The following EHBP1L1 variants were observed in gnomAD, a reference collection of about 807,000 sequenced individuals.
The protein encoded by EHBP1L1 is EH domain-binding protein 1-like protein 1.
EHBP1L1 carries 122 observed loss-of-function variants against 151.1 expected under a neutral mutation model. The observed-to-expected ratio is 0.81, with a 90% CI of 0.70 to 0.94. The LOEUF (loss-of-function observed/expected upper bound fraction) is 0.94, where lower values mean the gene tolerates loss of function less well. EHBP1L1 is among the 40% of genes least tolerant of loss of function. The pLI is 0.00. For synonymous variants in EHBP1L1, 878 were observed against 810.1 expected, an observed-to-expected ratio of 1.08 and a Z score of -1.42; for missense variants, 1,941 against 1,959.8, an observed-to-expected ratio of 0.99 and a Z score of 0.18.
rs764711728 is a variant in EHBP1L1 at position 65,585,402 on chromosome 11, C to A, written c.3744C>A (p.Gly1248=). ...GLVNGAGAPG[G]GGVRLRRPSV... ...TGAACGGGGCGGGGGCACCGGGCGG[C>A]GGCGGCGTGAGGCTGCGACGGCCCT... Residue 1248 remains glycine (G), a synonymous_variant, in exon 12 of 19, where the codon GGC becomes GGA. Transcript: ENST00000309295. The surrounding 1 kb of genome is among the most constrained non-coding windows in gnomAD (Gnocchi z 4.0). 7.4e-7 allele frequency: 1 copy of A among 1,354,328 alleles called. No individual in the cohort carries two copies. Among genetic ancestry groups the A allele is most frequent in the Admixed American group, 4.1e-5 (1 of 24,216 alleles). 83.9% of individuals were successfully genotyped at this position (1,354,328 alleles called of 1,614,324 possible).
chr11:65,579,269 A>C, intron 2 of EHBP1L1, 72 bp from the exon 3 acceptor site: 1 of 1,469,082 alleles, frequency 6.8e-7, no homozygotes, highest in Non-Finnish European at 9.2e-7. Flanking sequence ...GATGGTGTCA[A>C]GGTTGGTGAT....
intron 18 of EHBP1L1, 41 bp from the exon 19 acceptor site, chr11:65,592,161 AC>A: frequency 6.2e-7 from 1 of 1,603,472 alleles, no homozygotes. Context: ...CTGCGTGTGG[AC>A]CCCGCCCAAC....
chr11:65,583,484 G>C lies in EHBP1L1; in HGVS notation c.2812G>C (p.Glu938Gln), dbSNP rs1470451143. 6.2e-7 allele frequency: 1 copy of C among 1,613,724 alleles called. No homozygotes were observed. Among genetic ancestry groups the C allele is most frequent in the Non-Finnish European group, 8.5e-7 (1 of 1,179,818 alleles). Residue 938 changes from glutamate (E) to glutamine (Q), a missense_variant, in exon 9 of 19, where the codon GAG (glutamate) becomes CAG (glutamine). Glu to Gln is a conservative substitution (Grantham distance 29). Coordinates refer to ENST00000309295, the MANE Select transcript of EHBP1L1 (RefSeq NM_001099409.3). ...ETQVLRVQEAEAGVWGMSEGK... is the reference protein window; with the variant it reads ...ETQVLRVQEAQAGVWGMSEGK... ...TCAAGTTCTGAGAGTCCAGGAGGCAGAGGCTGGGGTTTGGGGGATGTCAGA... is the reference window on the plus strand; with the variant it reads ...TCAAGTTCTGAGAGTCCAGGAGGCACAGGCTGGGGTTTGGGGGATGTCAGA...
chr11:65,592,089 ATG>A lies in EHBP1L1; in HGVS notation c.4472+2_4472+3del, dbSNP rs1338191313. The A allele has an allele frequency of 6.2e-7, 1 of 1,612,982 alleles. No individual in the cohort carries two copies. The highest frequency in any genetic ancestry group is 1.1e-5 in the South Asian group (1 of 91,070). ...CCGGGACCTGGACCACAAGGAGCGGATGTGAGTGGCGCTGGGCGGCGCTGGGA... is the reference window on the plus strand; with the variant it reads ...CCGGGACCTGGACCACAAGGAGCGGATGAGTGGCGCTGGGCGGCGCTGGGA... On this transcript the variant is annotated splice_donor_variant and coding_sequence_variant, in exon 18 of 19. Coordinates refer to ENST00000309295, the MANE Select transcript of EHBP1L1 (RefSeq NM_001099409.3). LOFTEE classifies it high-confidence loss of function.
Position 65,584,413 on chromosome 11 carries a change from G to C in EHBP1L1, c.3251+15G>C, listed in dbSNP as rs1457396208. On this transcript the variant is annotated intron_variant, in intron 10 of 18. Transcript: ENST00000309295. ...CCAGACAAGATGTGAGCTGCCAGAGGGGTGGGAACGAATGGGGGAGCCATC... is the reference window on the plus strand; with the variant it reads ...CCAGACAAGATGTGAGCTGCCAGAGCGGTGGGAACGAATGGGGGAGCCATC... 6.2e-7 allele frequency: 1 copy of C among 1,613,438 alleles called. No homozygotes were observed. Among genetic ancestry groups the C allele is most frequent in the East Asian group, 2.2e-5 (1 of 44,868 alleles).
At chr11:65,590,802 G>A (rs1016567149) in intron 16 of EHBP1L1, among the ~76,000 whole-genome samples, 19 of 152,214 alleles carry the variant, frequency 1.2e-4, no homozygotes, top group Admixed American at 6.5e-5. Context: ...TGGGGAGGCC[G>A]AGGCAGGCGG....
intron 6 of EHBP1L1, 72 bp from the exon 7 acceptor site, chr11:65,580,986 G>A: frequency 6.5e-7 from 1 of 1,531,512 alleles, no homozygotes; most frequent in South Asian, 1.2e-5. Flanking sequence ...CTGTAGTTGG[G>A]GGAGGGGGTC....
At chr11:65,577,978 C>T (rs78643649) in intron 1 of EHBP1L1, among the ~76,000 whole-genome samples, 2,304 of 152,252 alleles carry the variant, frequency 0.015, 70 homozygotes, top group African/African-American at 0.053. Flanking sequence ...TGCCCTGGGC[C>T]GGATCGTCCC....
chr11:65,591,784 C>CCCCCCCCCCCCG lies in EHBP1L1; in HGVS notation c.4284-13_4284-12insCCCCCCCCGCCC. The CCCCCCCCCCCCG allele has an allele frequency of 6.6e-7, 1 of 1,514,738 alleles. No individual in the cohort carries two copies. Among genetic ancestry groups the CCCCCCCCCCCCG allele is most frequent in the Non-Finnish European group, 8.9e-7 (1 of 1,117,558 alleles). 93.8% of individuals were successfully genotyped at this position (1,514,738 alleles called of 1,614,324 possible). On this transcript the variant is annotated splice_polypyrimidine_tract_variant and intron_variant, in intron 16 of 18. Coordinates refer to ENST00000309295, the MANE Select transcript of EHBP1L1 (RefSeq NM_001099409.3). The stretch of plus-strand genomic sequence containing the variant: ...AACTGCCACCCCCCCGCCACCCACC[C>CCCCCCCCCCCCG]CCCGCCACCTTCCAGCATGGAGGAG...
chr11:65,584,753 T>A, intron 11 of EHBP1L1: 1 of 959,722 alleles, frequency 1.0e-6, no homozygotes, highest in East Asian at 2.6e-5. Context: ...AAAACCACCC[T>A]TTGGTAACGG....
Position 65,591,781 on chromosome 11 carries a change from A to T in EHBP1L1, c.4284-19A>T. The T allele has an allele frequency of 1.9e-6, 1 of 517,900 alleles. No individual in the cohort carries two copies. The highest frequency in any genetic ancestry group is 2.6e-6 in the Non-Finnish European group (1 of 377,636). 32.1% of individuals were successfully genotyped at this position (517,900 alleles called of 1,614,324 possible). A position where few individuals can be genotyped will look rare whatever the true frequency, so the allele number is the denominator to read the frequency against. On this transcript the variant is annotated intron_variant, in intron 16 of 18. Coordinates refer to ENST00000309295, the MANE Select transcript of EHBP1L1 (RefSeq NM_001099409.3). ...CTGAACTGCCACCCCCCCGCCACCC[A>T]CCCCCCGCCACCTTCCAGCATGGAG... is the stretch of plus-strand genomic sequence containing the variant.
At chr11:65,580,567 C>T in intron 6 of EHBP1L1, 88 bp downstream of exon 6, 1 of 1,527,386 alleles carries the variant, frequency 6.5e-7, no homozygotes, top group Non-Finnish European at 8.8e-7. Context: ...TGTGCCCGCC[C>T]TGTGATGGGA....
At chr11:65,577,656 C>T (rs1256651175) in intron 1 of EHBP1L1, among the ~76,000 whole-genome samples, 2 of 152,156 alleles carry the variant, frequency 1.3e-5, no homozygotes, top group Non-Finnish European at 2.9e-5. Flanking sequence ...TCAGGCTGCC[C>T]AGCCAAGCCC....
chr11:65,589,855 G>A (rs1202913173), intron 13 of EHBP1L1, 35 bp downstream of exon 13: 7 of 1,549,868 alleles, frequency 4.5e-6, no homozygotes, highest in Non-Finnish European at 6.1e-6. Flanking sequence ...CTCAGTTCAG[G>A]CTGCTCACAA....
rs771171946 is a variant in EHBP1L1, at chr11:65,581,321, G to A, written c.814G>A (p.Gly272Ser). The A allele has an allele frequency of 1.6e-5, 25 of 1,609,432 alleles. No individual in the cohort carries two copies. The South Asian group carries it at 2.1e-4, about 13-fold the overall frequency. ...QGSERANEAG[G>S]QVGPEAPRPP... ...GTCAGAACGAGCTAATGAAGCGGGG[G>A]GCCAGGTAGGCCCTGAGGCCCCAAG... Residue 272 changes from glycine to serine, a missense_variant, in exon 8 of 19, where the codon GGC (glycine) becomes AGC (serine). Transcript: ENST00000309295.
intron 12 of EHBP1L1, among the ~76,000 whole-genome samples, chr11:65,588,591 G>C (rs2135315741): frequency 6.6e-6 from 1 of 152,314 alleles, no homozygotes; most frequent in East Asian, 1.9e-4. Flanking sequence ...AGTGGACACG[G>C]GCAGGTCAAC....
At position 65,585,493 on chromosome 11, in the gene EHBP1L1, G is replaced by A; in HGVS notation, c.3835G>A (p.Asp1279Asn). The A allele has an allele frequency of 1.3e-6, 2 of 1,550,522 alleles. No homozygotes were observed. Among genetic ancestry groups the A allele is most frequent in the Non-Finnish European group, 8.7e-7 (1 of 1,154,698 alleles). The change falls in exon 12 of 19, where the codon GAC (aspartate) becomes AAC (asparagine). Residue 1279 changes from aspartate to asparagine, a missense_variant. Transcript: ENST00000309295. This position sits in a 1 kb window ranked among gnomAD's most constrained non-coding sequence, Gnocchi z 4.0. ...GCACGGCTCCTTCTCCCACGTGCGC[G>A]ACGCGGACCTGCTCAAGAAGAGGCG... Reference protein sequence around the residue: ...RAHGSFSHVRDADLLKKRRSR... With the variant: ...RAHGSFSHVRNADLLKKRRSR...
chr11:65,584,776 G>A, intron 11 of EHBP1L1, 183 bp from the exon 12 acceptor site: 1 of 980,234 alleles, frequency 1.0e-6, no homozygotes, highest in South Asian at 1.7e-5. Flanking sequence ...TGGACGGTGT[G>A]CCGTTGCTAA....
intron 1 of EHBP1L1, among the ~76,000 whole-genome samples, chr11:65,576,674 C>T (rs1857343806): frequency 6.6e-6 from 1 of 152,188 alleles, no homozygotes; most frequent in Non-Finnish European, 1.5e-5. Context: ...CCTTCCTCAG[C>T]TGCGGTCAGG....
Sources: gnomAD v4.1 joint callset for allele counts (sites outside exome capture counted in the v4.1 genomes callset) on GRCh38, gnomAD v4.1.1 for gene constraint, Gnocchi (gnomAD v3.1) non-coding constraint, MANE v1.5 for transcripts, NCBI Gene and HGNC (gene_info 2026-07-23, HGNC 2026-07-21) for gene names.